CDH18: variants seen among roughly 807,000 people sequenced by gnomAD.
The protein encoded by CDH18 is cadherin 18, also known as cadherin-18.
In CDH18, 31 loss-of-function variants were observed where a neutral mutation model predicts 67.9. The ratio of observed to expected loss-of-function variants is 0.46; its 90% confidence interval spans 0.34 to 0.62. The LOEUF (loss-of-function observed/expected upper bound fraction) is 0.62, where lower values mean the gene tolerates loss of function less well. Ranked by LOEUF, CDH18 falls within the 20% of genes least tolerant of loss-of-function variation. The pLI, the probability that CDH18 is intolerant of heterozygous loss-of-function variation, is 0.01. For missense variants in CDH18, 890 were observed against 975.5 expected (o/e 0.91, Z 1.17); for synonymous variants, 362 against 347.2 (o/e 1.04, Z -0.48).
chr5:19,926,690 GATA>G lies in CDH18; in HGVS notation c.-257+54367_-257+54369del, dbSNP rs1446502429. 3.3e-5 allele frequency among the ~76,000 whole-genome samples: 5 copies of G among 152,034 alleles called. No homozygotes were observed. The East Asian group carries it at 9.7e-4, about 29-fold the overall frequency. Reference sequence around the variant, plus strand: ...CATTGTTTTGATTTATTTTCCATTAGATAGTTTACAAATGATTTGGTAAGGCAT... The same window carrying G: ...CATTGTTTTGATTTATTTTCCATTAGGTTTACAAATGATTTGGTAAGGCAT... On this transcript the variant is annotated intron_variant, in intron 2 of 12. Transcript: ENST00000382275.
chr5:20,284,307 A>G (rs560426832), intron 1 of CDH18, among the ~76,000 whole-genome samples: 1 of 152,102 alleles, frequency 6.6e-6, no homozygotes, highest in African/African-American at 2.4e-5. Context: ...ATCACATTTA[A>G]CCTGATGTGG....
intron 5 of CDH18, among the ~76,000 whole-genome samples, chr5:19,703,454 T>C (rs994138247): frequency 6.6e-6 from 1 of 152,122 alleles, no homozygotes; most frequent in African/African-American, 2.4e-5. Flanking sequence ...GCAGGTTTGT[T>C]TGCCAGCTAA....
chr5:19,997,315 G>A lies in CDH18; in HGVS notation c.-517-5301C>T, dbSNP rs1380829606. On this transcript the variant is annotated intron_variant, in intron 2 of 14. Coordinates refer to the CDH18 transcript ENST00000507958. ...GTTCCACAGAATATTCTGGATGGCTGTACACTGTTATAGCACATATCATAT... is the reference window on the plus strand; with the variant it reads ...GTTCCACAGAATATTCTGGATGGCTATACACTGTTATAGCACATATCATAT... Among the ~76,000 whole-genome samples the A allele has an allele frequency of 3.9e-5, 6 of 152,148 alleles. 1 individual carries two copies. Among genetic ancestry groups the A allele is most frequent in the South Asian group, 4.1e-4 (2 of 4,828 alleles).
intron 1 of CDH18, among the ~76,000 whole-genome samples, chr5:20,416,452 C>A (rs751372838): frequency 6.6e-6 from 1 of 151,820 alleles, no homozygotes; most frequent in Non-Finnish European, 1.5e-5. Context: ...AATGTGCTTA[C>A]AGAAAAAAGT....
rs537307272 is a variant in CDH18 at position 19,700,933 on chromosome 5, TGGAAACAAAGTGA to T, written c.643+20401_643+20413del. On this transcript the variant is annotated intron_variant, in intron 5 of 12. Coordinates refer to ENST00000382275, the MANE Select transcript of CDH18 (RefSeq NM_004934.5). ...GCAAAAAATTTAAGTAAACAAAGTG[TGGAAACAAAGTGA>T]GGAAACAAAGTGAGAAAAAAAGAAA... Among the ~76,000 whole-genome samples the T allele has an allele frequency of 2.7e-3, 402 of 150,408 alleles. 1 individual carries two copies. Among genetic ancestry groups the T allele is most frequent in the African/African-American group, 5.0e-3 (206 of 40,878 alleles).
At chr5:20,128,214 C>T (rs1287713311) in intron 2 of CDH18, among the ~76,000 whole-genome samples, 1 of 152,016 alleles carries the variant, frequency 6.6e-6, no homozygotes, top group African/African-American at 2.4e-5. Context: ...GTAATGATAA[C>T]AGCTCTCCTA....
At position 19,526,347 on chromosome 5, in the gene CDH18, G is replaced by A. The variant is rs148875576; in HGVS notation, c.1391-5569C>T. On this transcript the variant is annotated intron_variant, in intron 9 of 12. Coordinates refer to ENST00000382275, the MANE Select transcript of CDH18 (RefSeq NM_004934.5). ...AATACAATAGGGACTCATGTCATCA[G>A]AGTGCCCCCTCTAGAGATAGTGATA... is the stretch of plus-strand genomic sequence containing the variant. Among the ~76,000 whole-genome samples the A allele has an allele frequency of 3.5e-3, 530 of 152,260 alleles. 1 individual carries two copies. The highest frequency in any genetic ancestry group is 0.012 in the African/African-American group (509 of 41,574).
chr5:20,044,809 T>C (rs1386023091), intron 2 of CDH18, among the ~76,000 whole-genome samples: 3 of 152,202 alleles, frequency 2.0e-5, no homozygotes, highest in Non-Finnish European at 4.4e-5. Flanking sequence ...CTTTCCTCTT[T>C]ACCTTGCCTT....
intron 2 of CDH18, among the ~76,000 whole-genome samples, chr5:20,209,209 C>T (rs563369684): frequency 6.6e-6 from 1 of 151,946 alleles, no homozygotes; most frequent in African/African-American, 2.4e-5. Context: ...CATAAAAATA[C>T]TAAACGTAGG....
At chr5:19,686,254 T>C (rs563564417) in intron 5 of CDH18, among the ~76,000 whole-genome samples, 9 of 152,260 alleles carry the variant, frequency 5.9e-5, no homozygotes, top group Non-Finnish European at 2.9e-5. Flanking sequence ...CTTTGTACTA[T>C]GATAAATAAG....
chr5:20,108,745 T>C (rs1475872204), intron 2 of CDH18, among the ~76,000 whole-genome samples: 1 of 152,184 alleles, frequency 6.6e-6, no homozygotes, highest in Non-Finnish European at 1.5e-5. Flanking sequence ...CTTGTACTTC[T>C]GCCATTATCA....
At chr5:20,035,822 T>C (rs1429117407) in intron 2 of CDH18, among the ~76,000 whole-genome samples, 1 of 152,034 alleles carries the variant, frequency 6.6e-6, no homozygotes, top group Non-Finnish European at 1.5e-5. Flanking sequence ...GGCACAAAAC[T>C]CAAGTCTGTG....
chr5:20,074,362 T>C (rs1743746402), intron 2 of CDH18, among the ~76,000 whole-genome samples: 1 of 152,160 alleles, frequency 6.6e-6, no homozygotes, highest in Non-Finnish European at 1.5e-5. Flanking sequence ...ATACACAATA[T>C]AGTTTTTAAA....
intron 1 of CDH18, among the ~76,000 whole-genome samples, chr5:20,358,264 A>C (rs1741796014): frequency 6.6e-6 from 1 of 152,180 alleles, no homozygotes; most frequent in African/African-American, 2.4e-5. Context: ...CATAAAATAT[A>C]ACCATGTAAC....
At chr5:19,577,399 T>G (rs1742491990) in intron 7 of CDH18, among the ~76,000 whole-genome samples, 1 of 152,196 alleles carries the variant, frequency 6.6e-6, no homozygotes, top group Admixed American at 6.6e-5. Flanking sequence ...ATGCTGGGTT[T>G]TAAACATATT....
intron 2 of CDH18, among the ~76,000 whole-genome samples, chr5:20,078,960 T>A (rs1476046907): frequency 6.6e-6 from 1 of 152,220 alleles, no homozygotes; most frequent in Non-Finnish European, 1.5e-5. Flanking sequence ...AATAATTTTA[T>A]ATATTATGAG....
At chr5:19,841,827 C>T (rs974550096) in intron 2 of CDH18, among the ~76,000 whole-genome samples, 43 of 151,906 alleles carry the variant, frequency 2.8e-4, no homozygotes, top group African/African-American at 9.2e-4. Context: ...TGAGTCATTC[C>T]AAAAATATAT....
intron 2 of CDH18, among the ~76,000 whole-genome samples, chr5:19,966,878 G>A (rs1251883650): frequency 6.6e-6 from 1 of 151,814 alleles, no homozygotes; most frequent in African/African-American, 2.4e-5. Flanking sequence ...CATAATAAAA[G>A]ATGGCTACAT....
chr5:20,088,952 A>G (rs1745201560), intron 2 of CDH18, among the ~76,000 whole-genome samples: 1 of 152,134 alleles, frequency 6.6e-6, no homozygotes, highest in Non-Finnish European at 1.5e-5. Flanking sequence ...GTCTAGTTTT[A>G]TTAAAATTTG....
Sources: gnomAD v4.1 joint callset for allele counts (sites outside exome capture counted in the v4.1 genomes callset) on GRCh38, gnomAD v4.1.1 for gene constraint, MANE v1.5 for transcripts, NCBI Gene and HGNC (gene_info 2026-07-23, HGNC 2026-07-21) for gene names.